The following MPP3 variants were observed in gnomAD, a reference collection of about 807,000 sequenced individuals.
MPP3 encodes the protein MAGUK p55 subfamily member 3.
A neutral mutation model predicts 80.7 loss-of-function variants in MPP3; 48 were observed. The observed-to-expected ratio is 0.59, with a 90% CI of 0.47 to 0.76. MPP3 has a LOEUF of 0.76. Ranked by LOEUF, MPP3 falls within the 30% of genes least tolerant of loss-of-function variation. MPP3 has a pLI of 0.00. For synonymous variants in MPP3, 311 were observed against 297.6 expected (o/e 1.04, Z -0.46); for missense variants, 620 against 763.0 (o/e 0.81, Z 2.21).
intron 11 of MPP3, among the ~76,000 whole-genome samples, chr17:43,820,052 C>G (rs1207202827): frequency 6.6e-6 from 1 of 152,004 alleles, no homozygotes; most frequent in Non-Finnish European, 1.5e-5. Flanking sequence ...CTCAACTGAT[C>G]CTCCCACCCC....
intron 6 of MPP3, 30 bp downstream of exon 6, chr17:43,829,997 C>A (rs2045889604): frequency 1.2e-6 from 2 of 1,602,918 alleles, no homozygotes; most frequent in African/African-American, 1.3e-5. Flanking sequence ...GACCCAGAGG[C>A]ATGGCTGGGC....
In MPP3 at chr17:43,820,227, G is replaced by C. The variant is rs577365355; in HGVS notation, c.881+635C>G. Among the ~76,000 whole-genome samples, 36 of 152,188 alleles carry C rather than the reference G, an allele frequency of 2.4e-4. 2 individuals are homozygous for C. In the South Asian group the frequency reaches 7.0e-3, roughly 30 times the overall value. ...CCCAAAGTGCTGGGATTACAGGCGT[G>C]AGTCATCACCATGCCCAGCCTCTCT... On this transcript the variant is annotated intron_variant, in intron 11 of 19. Coordinates refer to ENST00000398389, the MANE Select transcript of MPP3 (RefSeq NM_001932.6).
At chr17:43,811,392 A>T in intron 16 of MPP3, 187 bp from the exon 17 acceptor site, 1 of 589,446 alleles carries the variant, frequency 1.7e-6, no homozygotes, top group Non-Finnish European at 3.0e-6. Context: ...GATTCACACA[A>T]CAACTCTTTG....
At chr17:43,822,599 T>C (rs1714386175) in intron 10 of MPP3, among the ~76,000 whole-genome samples, 1 of 126,216 alleles carries the variant, frequency 7.9e-6, no homozygotes, top group African/African-American at 3.0e-5. Context: ...GCCTCCAACC[T>C]CTACCCACTC....
rs1420103061 is a variant in MPP3, at chr17:43,814,074, G to A, written c.1192C>T (p.Leu398=). The A allele has an allele frequency of 3.1e-6, 5 of 1,613,124 alleles. No individual in the cohort carries two copies. In the African/African-American group the frequency reaches 4.0e-5, roughly 13 times the overall value. The stretch of plus-strand genomic sequence containing the variant: ...ACCACCTTTTGCTTCAGCTCGTGCA[G>A]TCGGGCTCCCAGAGACCCTGGGAAA... ...VVLIGSLGAR[L]HELKQKVVAE... is the part of the protein sequence containing the mutation. Residue 398 remains leucine, a synonymous_variant, in exon 16 of 20, where the codon CTG becomes TTG. Transcript: ENST00000398389.
At chr17:43,817,954 T>G in intron 12 of MPP3, 92 bp downstream of exon 12, 1 of 794,538 alleles carries the variant, frequency 1.3e-6, no homozygotes, top group Non-Finnish European at 1.8e-6. Flanking sequence ...TGATGCCCCC[T>G]CCAGCCCACT....
intron 19 of MPP3, among the ~76,000 whole-genome samples, chr17:43,805,018 C>CA (rs1038107566): frequency 1.4e-4 from 21 of 148,660 alleles, no homozygotes; most frequent in South Asian, 6.3e-4. Context: ...AACTCTGTCT[C>CA]AAAAAAAAAG....
chr17:43,823,307 C>T (rs559267226), intron 10 of MPP3, among the ~76,000 whole-genome samples: 1 of 152,262 alleles, frequency 6.6e-6, no homozygotes, highest in African/African-American at 2.4e-5. Flanking sequence ...TAGCCCTTAA[C>T]GTGCTCCTCT....
intron 12 of MPP3, 108 bp from the exon 13 acceptor site, chr17:43,816,805 C>T: frequency 9.8e-7 from 1 of 1,023,128 alleles, no homozygotes; most frequent in Non-Finnish European, 1.5e-6. Context: ...GCCATCTGGC[C>T]TCTTTCCCTT....
intron 10 of MPP3, among the ~76,000 whole-genome samples, chr17:43,822,606 A>G (rs1198406549): frequency 5.2e-5 from 6 of 114,600 alleles, no homozygotes; most frequent in African/African-American, 2.0e-4. Context: ...ACCTCTACCC[A>G]CTCCACCCTC....
At chr17:43,825,950 A>C (rs749517042) in intron 8 of MPP3, 109 bp from the exon 9 acceptor site, 29 of 699,112 alleles carry the variant, frequency 4.1e-5, no homozygotes, top group Non-Finnish European at 7.3e-5. Flanking sequence ...TGCAGGGCCA[A>C]CTCGAGGTTT....
intron 12 of MPP3, among the ~76,000 whole-genome samples, chr17:43,817,723 G>A (rs2045215259): frequency 6.6e-6 from 1 of 152,148 alleles, no homozygotes; most frequent in African/African-American, 2.4e-5. Context: ...CAAGGTCAGA[G>A]AGCCCTTGGG....
chr17:43,818,079 G>C lies in MPP3; in HGVS notation c.913C>G (p.Leu305Val), dbSNP rs764541954. ...RLSYRRAAGTLPSPQSLRKPP... is the reference protein window; with the variant it reads ...RLSYRRAAGTVPSPQSLRKPP... Reference sequence around the variant, plus strand: ...TTCCTGAGGCTCTGGGGGCTCGGCAGGGTGCCCGCGGCTCTCCGGTAGCTT... The same window carrying C: ...TTCCTGAGGCTCTGGGGGCTCGGCACGGTGCCCGCGGCTCTCCGGTAGCTT... The change falls in exon 12 of 20, where the codon CTG (leucine) becomes GTG (valine). Residue 305 changes from leucine (L) to valine (V), a missense_variant. Coordinates refer to ENST00000398389, the MANE Select transcript of MPP3 (RefSeq NM_001932.6). The C allele has an allele frequency of 1.3e-6, 2 of 1,573,700 alleles. No individual in the cohort carries two copies. The highest frequency in any genetic ancestry group is 2.3e-5 in the South Asian group (2 of 85,600).
In MPP3 at chr17:43,817,236, G is replaced by A. The variant is rs889251078; in HGVS notation, c.947-539C>T. On this transcript the variant is annotated intron_variant, in intron 12 of 19. Coordinates refer to ENST00000398389, the MANE Select transcript of MPP3 (RefSeq NM_001932.6). ...TCTGGAAAAGCTTCCTCTCTGCACG[G>A]GGCCCTACCCTGGGGCTCTGATCAC... is the stretch of plus-strand genomic sequence containing the variant. Among the ~76,000 whole-genome samples, 8 of 152,168 alleles carry A rather than the reference G, an allele frequency of 5.3e-5. 1 individual carries two copies. Among genetic ancestry groups the A allele is most frequent in the South Asian group, 4.1e-4 (2 of 4,826 alleles).
chr17:43,804,736 A>C (rs547333496), intron 19 of MPP3, among the ~76,000 whole-genome samples: 1 of 152,330 alleles, frequency 6.6e-6, no homozygotes, highest in Non-Finnish European at 1.5e-5. Context: ...GGATGCTATC[A>C]AGAAAGTAAG....
chr17:43,815,647 C>G, intron 14 of MPP3: 1 of 364,518 alleles, frequency 2.7e-6, no homozygotes. Flanking sequence ...TTGCCTATCT[C>G]TAAGACCTTT....
intron 9 of MPP3, 109 bp downstream of exon 9, chr17:43,825,647 T>A: frequency 1.3e-6 from 1 of 757,156 alleles, no homozygotes; most frequent in Non-Finnish European, 2.3e-6. Flanking sequence ...GCCTGCCACC[T>A]CCTCAGGACA....
At chr17:43,805,424 A>G (rs1044535456) in intron 19 of MPP3, among the ~76,000 whole-genome samples, 1 of 152,226 alleles carries the variant, frequency 6.6e-6, no homozygotes, top group Non-Finnish European at 1.5e-5. Context: ...GAACTACCCT[A>G]TGACCCAGCA....
At chr17:43,831,423 A>G in intron 4 of MPP3, 102 bp from the exon 5 acceptor site, 10 of 1,398,708 alleles carry the variant, frequency 7.1e-6, no homozygotes, top group Middle Eastern at 1.8e-4. Context: ...ACAGGGCACC[A>G]TAAGAGAAAG....
Sources: allele counts gnomAD v4.1 joint callset (sites outside exome capture counted in the v4.1 genomes callset), GRCh38; gene constraint gnomAD v4.1.1; transcripts MANE v1.5; gene names NCBI Gene and HGNC (gene_info 2026-07-23, HGNC 2026-07-21).